Variants in SNTG1 observed in about 807,000 individuals in gnomAD.
SNTG1 encodes the protein gamma-1-syntrophin.
Under a neutral mutation model 74.7 loss-of-function variants are expected in SNTG1, and 39 were observed. The observed-to-expected ratio is 0.52, with a 90% CI of 0.40 to 0.68. The LOEUF (loss-of-function observed/expected upper bound fraction) is 0.68. Ranked by LOEUF, SNTG1 falls within the 30% of genes least tolerant of loss-of-function variation. The pLI, the probability that SNTG1 is intolerant of heterozygous loss-of-function variation, is 0.00. For synonymous variants in SNTG1, 254 were observed against 217.1 expected (o/e 1.17, Z -1.49); for missense variants, 685 against 609.5 (o/e 1.12, Z -1.30).
At chr8:50,150,938 G>T (rs1355795819) in intron 1 of SNTG1, among the ~76,000 whole-genome samples, 1 of 152,186 alleles carries the variant, frequency 6.6e-6, no homozygotes, top group Non-Finnish European at 1.5e-5. Context: ...ATGAGTTAGG[G>T]AGGATTCCCT....
intron 18 of SNTG1, among the ~76,000 whole-genome samples, chr8:50,775,187 C>A (rs1347459560): frequency 6.6e-6 from 1 of 151,332 alleles, no homozygotes; most frequent in Non-Finnish European, 1.5e-5. Flanking sequence ...TAACATAATG[C>A]ATTTCCTTAA....
chr8:50,402,114 G>T (rs2092813284), intron 3 of SNTG1, 96 bp from the exon 4 acceptor site: 3 of 1,263,942 alleles, frequency 2.4e-6, no homozygotes, highest in African/African-American at 3.0e-5. Flanking sequence ...CCTCTTAAAT[G>T]TTATTCACCA....
chr8:50,211,373 C>T (rs1485675623), intron 2 of SNTG1, among the ~76,000 whole-genome samples: 1 of 152,072 alleles, frequency 6.6e-6, no homozygotes, highest in Non-Finnish European at 1.5e-5. Flanking sequence ...AGAAATATTA[C>T]ATTTCATTTT....
intron 2 of SNTG1, among the ~76,000 whole-genome samples, chr8:50,204,183 G>A (rs1273831976): frequency 1.3e-5 from 2 of 152,190 alleles, no homozygotes; most frequent in Non-Finnish European, 2.9e-5. Flanking sequence ...GCCCTCCGAA[G>A]ATATGTGCCA....
intron 2 of SNTG1, among the ~76,000 whole-genome samples, chr8:50,309,812 T>G (rs1164653549): frequency 6.6e-6 from 1 of 152,204 alleles, no homozygotes; most frequent in Non-Finnish European, 1.5e-5. Context: ...GCTAAGAATT[T>G]TAATACTTAG....
chr8:50,765,162 G>A (rs2095610570), intron 18 of SNTG1, among the ~76,000 whole-genome samples: 1 of 152,036 alleles, frequency 6.6e-6, no homozygotes. Flanking sequence ...TAGAGTAAGA[G>A]ATGATAAGTA....
intron 2 of SNTG1, among the ~76,000 whole-genome samples, chr8:50,375,705 G>T (rs746469702): frequency 6.6e-6 from 1 of 152,126 alleles, no homozygotes; most frequent in Non-Finnish European, 1.5e-5. Flanking sequence ...ATATTACTAT[G>T]TGGGGAAAAA....
chr8:49,925,841 AT>A (rs1263211657), intron 1 of SNTG1, among the ~76,000 whole-genome samples: 2 of 152,158 alleles, frequency 1.3e-5, no homozygotes, highest in Non-Finnish European at 2.9e-5. Context: ...ATTGAAGGAC[AT>A]TTAGGTTGCT....
chr8:50,691,139 T>A lies in SNTG1; in HGVS notation c.1039-13461T>A, dbSNP rs576869780. ...CATCCCTTTATTTTGAGCCTATGTG[T>A]GTCTCTGCACGTGAGATGGGTTTCC... On this transcript the variant is annotated intron_variant, in intron 15 of 18. Coordinates refer to ENST00000642720, the MANE Select transcript of SNTG1 (RefSeq NM_018967.5). Among the ~76,000 whole-genome samples, 17 of 152,344 alleles carry A rather than the reference T, an allele frequency of 1.1e-4. No homozygotes were observed. The South Asian group carries it at 2.5e-3, about 22-fold the overall frequency.
chr8:50,085,886 A>G (rs751680890), intron 1 of SNTG1, among the ~76,000 whole-genome samples: 1 of 152,160 alleles, frequency 6.6e-6, no homozygotes, highest in Non-Finnish European at 1.5e-5. Context: ...TGAAATCGGA[A>G]TCTCTGACAC....
chr8:50,675,022 C>G (rs562742316), intron 15 of SNTG1, among the ~76,000 whole-genome samples: 1 of 152,026 alleles, frequency 6.6e-6, no homozygotes, highest in Non-Finnish European at 1.5e-5. Context: ...GCAGTATGGT[C>G]TAAGAGACTG....
chr8:50,389,094 A>G (rs1052417109), intron 2 of SNTG1, among the ~76,000 whole-genome samples: 6 of 152,210 alleles, frequency 3.9e-5, no homozygotes, highest in African/African-American at 1.4e-4. Context: ...CAGAAGTGCT[A>G]GAGGGCACGG....
chr8:50,411,038 G>A (rs751449492), intron 4 of SNTG1, among the ~76,000 whole-genome samples: 36 of 152,078 alleles, frequency 2.4e-4, no homozygotes, highest in Non-Finnish European at 4.4e-4. Context: ...GTTTAATCCC[G>A]TTTTTACATT....
chr8:50,638,453 C>T (rs1274673806), intron 13 of SNTG1, among the ~76,000 whole-genome samples: 1 of 151,876 alleles, frequency 6.6e-6, no homozygotes, highest in Non-Finnish European at 1.5e-5. Context: ...ATTGATTTTC[C>T]TGGATTGCTT....
intron 1 of SNTG1, among the ~76,000 whole-genome samples, chr8:50,017,639 C>T (rs969381989): frequency 6.6e-6 from 1 of 151,706 alleles, no homozygotes; most frequent in African/African-American, 2.4e-5. Flanking sequence ...GCAACATAGA[C>T]TTTAAGATAA....
At chr8:50,127,044 G>A (rs536818191) in intron 1 of SNTG1, among the ~76,000 whole-genome samples, 1 of 152,222 alleles carries the variant, frequency 6.6e-6, no homozygotes, top group South Asian at 2.1e-4. Flanking sequence ...AAGTCTCCTG[G>A]TAAATAAGGA....
At chr8:50,295,319 A>C (rs2089310950) in intron 2 of SNTG1, among the ~76,000 whole-genome samples, 1 of 152,152 alleles carries the variant, frequency 6.6e-6, no homozygotes. Context: ...TGGTTGCCAA[A>C]CTCCATCATC....
In SNTG1 at chr8:50,504,925, C is replaced by T. The variant is rs142482311; in HGVS notation, c.466+2045C>T. Among the ~76,000 whole-genome samples, 270 of 152,122 alleles carry T rather than the reference C, an allele frequency of 1.8e-3. 1 individual carries two copies. The highest frequency in any genetic ancestry group is 6.0e-3 in the African/African-American group (251 of 41,526). On this transcript the variant is annotated intron_variant, in intron 9 of 18. Transcript: ENST00000642720. ...AGCCTTAAGTCTATGTACATTATTG[C>T]GTAACATATCACCAGAAACTTTTGA... is the stretch of plus-strand genomic sequence containing the variant.
intron 1 of SNTG1, among the ~76,000 whole-genome samples, chr8:50,128,213 C>G (rs2081206593): frequency 6.6e-6 from 1 of 152,088 alleles, no homozygotes; most frequent in Non-Finnish European, 1.5e-5. Context: ...TGTTTTAATT[C>G]TATCTCCCTC....
Sources: allele counts gnomAD v4.1 joint callset (sites outside exome capture counted in the v4.1 genomes callset), GRCh38; gene constraint gnomAD v4.1.1; transcripts MANE v1.5; gene names NCBI Gene and HGNC (gene_info 2026-07-23, HGNC 2026-07-21).